PHACTR2: variants seen among roughly 807,000 people sequenced by gnomAD.
PHACTR2 encodes the protein chromosome 6 open reading frame 56.
In PHACTR2, 30 loss-of-function variants were observed where a neutral mutation model predicts 76.0. That is an observed-to-expected ratio of 0.39 (90% CI 0.30 to 0.54). The LOEUF is 0.54. Among genes scored for constraint, PHACTR2 ranks in the 20% least tolerant of loss-of-function variants. PHACTR2 has a pLI of 0.61. For missense variants in PHACTR2, 696 were observed against 781.1 expected (o/e 0.89, Z 1.30); for synonymous variants, 292 against 292.5 (o/e 1.00, Z 0.02).
chr6:143,796,726 C>A (rs1775835943), intron 11 of PHACTR2, among the ~76,000 whole-genome samples: 1 of 152,154 alleles, frequency 6.6e-6, no homozygotes, highest in African/African-American at 2.4e-5. Flanking sequence ...CGTGTCCCTG[C>A]AAAGGACATC....
chr6:143,649,101 A>G (rs938450601), intron 1 of PHACTR2, among the ~76,000 whole-genome samples: 3 of 152,110 alleles, frequency 2.0e-5, no homozygotes, highest in Non-Finnish European at 2.9e-5. Flanking sequence ...GCCTTTCCAC[A>G]TGGCTTCTGT....
At chr6:143,552,613 A>C (rs1369411560) in intron 1 of PHACTR2, among the ~76,000 whole-genome samples, 2 of 152,188 alleles carry the variant, frequency 1.3e-5, no homozygotes, top group Non-Finnish European at 2.9e-5. Flanking sequence ...GAATTAAAAA[A>C]AAATTGAAGG....
rs1777152648 is a variant in PHACTR2 at position 143,671,430 on chromosome 6, A to T, written c.14-40586A>T. On this transcript the variant is annotated intron_variant, in intron 1 of 11. Coordinates refer to the PHACTR2 transcript ENST00000305766. The surrounding 1 kb of genome is among the most constrained non-coding windows in gnomAD (Gnocchi z 4.6). ...AGATAGCCATATGGTTAACTCCATT[A>T]CCTCCTTTGTGTTTTTGCTTAAACA... Among the ~76,000 whole-genome samples, 1 of 151,950 alleles carries T rather than the reference A, an allele frequency of 6.6e-6. No individual in the cohort carries two copies. The highest frequency in any genetic ancestry group is 2.4e-5 in the African/African-American group (1 of 41,338).
Position 143,794,063 on chromosome 6 carries a change from TA to T in PHACTR2, c.1845+5160del, listed in dbSNP as rs145832691. On this transcript the variant is annotated intron_variant, in intron 11 of 12. Transcript: ENST00000440869. This position sits in a 1 kb window ranked among gnomAD's most constrained non-coding sequence, Gnocchi z 4.1. ...ATCTGAATATTCAAAAATGCAAAAA[TA>T]AAAAAAGAACCACTTTAATGCACGG... is the stretch of plus-strand genomic sequence containing the variant. 0.29 allele frequency among the ~76,000 whole-genome samples: 44,067 copies of T among 151,344 alleles called. 6,389 individuals are homozygous for T. The highest frequency in any genetic ancestry group is 0.34 in the Admixed American group (5,224 of 15,222).
At chr6:143,637,388 A>G (rs1367362920) in intron 1 of PHACTR2, among the ~76,000 whole-genome samples, 1 of 152,226 alleles carries the variant, frequency 6.6e-6, no homozygotes, top group African/African-American at 2.4e-5. Context: ...TAAAGAGCAC[A>G]GGAAACGTAA....
intron 1 of PHACTR2, among the ~76,000 whole-genome samples, chr6:143,649,623 G>A (rs531926963): frequency 7.4e-4 from 113 of 152,232 alleles, no homozygotes; most frequent in African/African-American, 2.7e-3. Flanking sequence ...ATGCAGAAAA[G>A]GCCTTCAATA....
At position 143,760,385 on chromosome 6, in the gene PHACTR2, A is replaced by G; in HGVS notation, c.455-16A>G. The G allele has an allele frequency of 6.3e-7, 1 of 1,595,890 alleles. No homozygotes were observed. Among genetic ancestry groups the G allele is most frequent in the Non-Finnish European group, 8.5e-7 (1 of 1,170,788 alleles). On this transcript the variant is annotated splice_polypyrimidine_tract_variant and intron_variant, in intron 4 of 12. Coordinates refer to ENST00000440869, the MANE Select transcript of PHACTR2 (RefSeq NM_001100164.2). This position sits in a 1 kb window ranked among gnomAD's most constrained non-coding sequence, Gnocchi z 6.4. The stretch of plus-strand genomic sequence containing the variant: ...TGTCTGTATCAGTCTGCTTCTGTTC[A>G]CTTTCTCGTTTATAGAGAACACTGA...
Position 143,764,520 on chromosome 6 carries a change from C to CAA in PHACTR2, c.695-725_695-724dup, listed in dbSNP as rs11321214. ...TGGGCGACAGAACAAGACCTTGTCTCAAAAAAAAAAAAAAAAAGGAGCAAC... is the reference window on the plus strand; with the variant it reads ...TGGGCGACAGAACAAGACCTTGTCTCAAAAAAAAAAAAAAAAAAAGGAGCAAC... On this transcript the variant is annotated intron_variant, in intron 5 of 12. Coordinates refer to ENST00000440869, the MANE Select transcript of PHACTR2 (RefSeq NM_001100164.2). This position sits in a 1 kb window ranked among gnomAD's most constrained non-coding sequence, Gnocchi z 4.7. Among the ~76,000 whole-genome samples, 47 of 110,756 alleles carry CAA rather than the reference C, an allele frequency of 4.2e-4. No homozygotes were observed. Among genetic ancestry groups the CAA allele is most frequent in the Middle Eastern group, 9.8e-3 (2 of 204 alleles). 72.7% of individuals were successfully genotyped at this position (110,756 alleles called of 152,430 possible).
chr6:143,772,316 A>T lies in PHACTR2; in HGVS notation c.1291A>T (p.Met431Leu), dbSNP rs1485402725. ...TVPQLLTPGL[M>L]GESSESFSAS... is the part of the protein sequence containing the mutation. ...GCCTCAGCTACTGACTCCTGGGCTG[A>T]TGGGCGAATCTTCAGAATCCTTTAG... Residue 431 changes from methionine to leucine, a missense_variant, in exon 7 of 13, where the codon ATG becomes TTG. By Grantham distance (15) the Met-to-Leu change is conservative. Around this residue, in one of 2 missense-constraint regions of PHACTR2, gnomAD observed 236 missense variants for 330.2 expected, o/e 0.71. Transcript: ENST00000440869. This position sits in a 1 kb window ranked among gnomAD's most constrained non-coding sequence, Gnocchi z 5.4. 1 of 1,613,976 alleles carries T rather than the reference A, an allele frequency of 6.2e-7. No individual in the cohort carries two copies. The highest frequency in any genetic ancestry group is 2.2e-5 in the East Asian group (1 of 44,888).
intron 1 of PHACTR2, among the ~76,000 whole-genome samples, chr6:143,690,032 T>C (rs138142084): frequency 2.6e-5 from 4 of 152,334 alleles, no homozygotes; most frequent in Non-Finnish European, 4.4e-5. Flanking sequence ...ATTTTATCAG[T>C]CATCCATGTA....
intron 1 of PHACTR2, among the ~76,000 whole-genome samples, chr6:143,569,957 T>C (rs566125927): frequency 3.4e-4 from 52 of 152,354 alleles, no homozygotes; most frequent in African/African-American, 1.3e-3. Flanking sequence ...AGATTTTCAT[T>C]TTTGACAACC....
At chr6:143,779,942 ATATTATATT>A (rs927713996) in intron 9 of PHACTR2, among the ~76,000 whole-genome samples, 1 of 137,364 alleles carries the variant, frequency 7.3e-6, no homozygotes, top group African/African-American at 2.6e-5. Flanking sequence ...ATATTATATT[ATATTATATT>A]TAGTTATTCA....
intron 1 of PHACTR2, among the ~76,000 whole-genome samples, chr6:143,651,921 C>A (rs1050348138): frequency 7.3e-5 from 11 of 151,548 alleles, no homozygotes; most frequent in African/African-American, 2.7e-4. Context: ...TAGGCACTCA[C>A]ACAGAAAAGG....
intron 1 of PHACTR2, among the ~76,000 whole-genome samples, chr6:143,642,552 G>A (rs998067395): frequency 1.3e-5 from 2 of 152,148 alleles, no homozygotes; most frequent in African/African-American, 2.4e-5. Flanking sequence ...GTCCTAACCC[G>A]TAGTACCTCA....
intron 2 of PHACTR2, among the ~76,000 whole-genome samples, chr6:143,741,914 C>T (rs1470698563): frequency 1.3e-5 from 2 of 151,990 alleles, no homozygotes; most frequent in Non-Finnish European, 2.9e-5. Flanking sequence ...CCAGCCTGGC[C>T]AACGTGGTGA....
In PHACTR2 at chr6:143,623,183, ATAAAT is replaced by A. The variant is rs59880792; in HGVS notation, c.13+14867_13+14871del. On this transcript the variant is annotated intron_variant, in intron 1 of 11. Transcript: ENST00000305766. The surrounding 1 kb of genome is among the most constrained non-coding windows in gnomAD (Gnocchi z 5.9). ...AGTATATGTATTTTAAACTAAATTA[ATAAAT>A]TAAATATTGTTATAAGAAAAAAGCC... 0.086 allele frequency among the ~76,000 whole-genome samples: 13,069 copies of A among 152,258 alleles called. 553 individuals carry two copies. The highest frequency in any genetic ancestry group is 0.13 in the South Asian group (625 of 4,828).
In PHACTR2 at chr6:143,548,279, T is replaced by TACAGTAAGGACAACAATAAC. The variant is rs1473525602; in HGVS notation, c.217+11072_217+11073insACAGTAAGGACAACAATAAC. On this transcript the variant is annotated intron_variant, in intron 1 of 11. Transcript: ENST00000367584. This position sits in a 1 kb window ranked among gnomAD's most constrained non-coding sequence, Gnocchi z 4.5. Reference sequence around the variant, plus strand: ...CCCTCAATACCTCATCTAATCCTTATTACCTCCCAAAGACTCCACCTCATA... The same window carrying TACAGTAAGGACAACAATAAC: ...CCCTCAATACCTCATCTAATCCTTATACAGTAAGGACAACAATAACTACCTCCCAAAGACTCCACCTCATA... Among the ~76,000 whole-genome samples, 1 of 149,862 alleles carries TACAGTAAGGACAACAATAAC rather than the reference T, an allele frequency of 6.7e-6. No individual in the cohort carries two copies. Among genetic ancestry groups the TACAGTAAGGACAACAATAAC allele is most frequent in the Non-Finnish European group, 1.5e-5 (1 of 66,502 alleles).
At position 143,738,570 on chromosome 6, in the gene PHACTR2, C is replaced by G. The variant is rs543677648; in HGVS notation, c.215-10415C>G. On this transcript the variant is annotated intron_variant, in intron 2 of 12. Transcript: ENST00000440869. This position sits in a 1 kb window ranked among gnomAD's most constrained non-coding sequence, Gnocchi z 4.0. ...CTCACGACCAGCCTGGGCAACATGA[C>G]AAAACCCCATCTCTTAAAAAAAATA... 1.5e-4 allele frequency among the ~76,000 whole-genome samples: 23 copies of G among 151,848 alleles called. No individual in the cohort carries two copies. Among genetic ancestry groups the G allele is most frequent in the African/African-American group, 5.6e-4 (23 of 41,396 alleles).
chr6:143,700,570 G>T lies in PHACTR2; in HGVS notation c.47-11446G>T, dbSNP rs576978030. Among the ~76,000 whole-genome samples, 5 of 152,148 alleles carry T rather than the reference G, an allele frequency of 3.3e-5. No individual in the cohort carries two copies. The East Asian group carries it at 9.7e-4, about 29-fold the overall frequency. ...CTCCATTGATTGGGGGCAGTGGGGA[G>T]GGGGGGCGAGAGGAGAACTGTGATA... On this transcript the variant is annotated intron_variant, in intron 1 of 12. Coordinates refer to ENST00000440869, the MANE Select transcript of PHACTR2 (RefSeq NM_001100164.2). The surrounding 1 kb of genome is among the most constrained non-coding windows in gnomAD (Gnocchi z 4.1).
Sources: gnomAD v4.1 joint callset for allele counts (sites outside exome capture counted in the v4.1 genomes callset) on GRCh38, gnomAD v4.1.1 for gene constraint, gnomAD v4.1.1 regional missense constraint, Gnocchi (gnomAD v3.1) non-coding constraint, MANE v1.5 for transcripts, NCBI Gene and HGNC (gene_info 2026-07-23, HGNC 2026-07-21) for gene names.